The following AUTS2 variants were observed in gnomAD, a reference collection of about 807,000 sequenced individuals.
AUTS2 encodes the protein activator of transcription and developmental regulator AUTS2, also known as autism susceptibility gene 2 protein.
Under a neutral mutation model 112.4 loss-of-function variants are expected in AUTS2, and 17 were observed. The observed-to-expected ratio is 0.15, with a 90% confidence interval of 0.10 to 0.23. The LOEUF (loss-of-function observed/expected upper bound fraction) is 0.23. Ranked by LOEUF, AUTS2 falls within the 10% of genes least tolerant of loss-of-function variation. The pLI, the probability that AUTS2 is intolerant of heterozygous loss-of-function variation, is 1.00. For missense variants in AUTS2, 1,510 were observed against 1,701.6 expected (o/e 0.89, Z 1.98); for synonymous variants, 751 against 702.7 (o/e 1.07, Z -1.09).
chr7:70,450,065 C>T (rs897722468), intron 5 of AUTS2, among the ~76,000 whole-genome samples: 1 of 152,196 alleles, frequency 6.6e-6, no homozygotes, highest in Admixed American at 6.5e-5. Flanking sequence ...ACTTAAACTT[C>T]AGCAGGCAGC....
chr7:69,782,058 T>C (rs1584238720), intron 1 of AUTS2, among the ~76,000 whole-genome samples: 2 of 152,210 alleles, frequency 1.3e-5, no homozygotes, highest in East Asian at 3.9e-4. Context: ...TCAGTAGGTC[T>C]GAAATGGGAC....
intron 1 of AUTS2, among the ~76,000 whole-genome samples, chr7:69,709,119 G>A (rs1010418328): frequency 1.3e-5 from 2 of 152,204 alleles, no homozygotes; most frequent in African/African-American, 4.8e-5. Flanking sequence ...AGACTTAGCG[G>A]AACTGCACAA....
intron 5 of AUTS2, among the ~76,000 whole-genome samples, chr7:70,460,330 A>C (rs1434081793): frequency 1.4e-5 from 2 of 142,508 alleles, no homozygotes; most frequent in African/African-American, 2.6e-5. Context: ...CAGCAAGGAC[A>C]GCCTGGTCTT....
At chr7:70,122,193 G>A (rs1202202747) in intron 3 of AUTS2, among the ~76,000 whole-genome samples, 1 of 152,138 alleles carries the variant, frequency 6.6e-6, no homozygotes, top group Non-Finnish European at 1.5e-5. Context: ...GATGGAGAGT[G>A]GGAGGGAGGA....
chr7:69,846,657 T>TC (rs1418092219), intron 1 of AUTS2, among the ~76,000 whole-genome samples: 1 of 152,180 alleles, frequency 6.6e-6, no homozygotes, highest in East Asian at 1.9e-4. Flanking sequence ...CACTACAATC[T>TC]CCACCTCTTG....
chr7:69,871,662 G>C (rs1793503589), intron 1 of AUTS2, among the ~76,000 whole-genome samples: 1 of 152,136 alleles, frequency 6.6e-6, no homozygotes, highest in South Asian at 2.1e-4. Flanking sequence ...TCTGATAACT[G>C]ATCTGAGACG....
intron 4 of AUTS2, among the ~76,000 whole-genome samples, chr7:70,135,596 T>C (rs1402927821): frequency 6.6e-6 from 1 of 152,212 alleles, no homozygotes; most frequent in Non-Finnish European, 1.5e-5. Context: ...ACCAGCATCA[T>C]TTCATTAATA....
At chr7:69,766,999 C>T (rs1309351170) in intron 1 of AUTS2, among the ~76,000 whole-genome samples, 1 of 152,200 alleles carries the variant, frequency 6.6e-6, no homozygotes, top group African/African-American at 2.4e-5. Context: ...CACCCTGCTA[C>T]TATATGCTTG....
chr7:69,974,786 T>G (rs1444259788), intron 2 of AUTS2, among the ~76,000 whole-genome samples: 1 of 152,194 alleles, frequency 6.6e-6, no homozygotes, highest in African/African-American at 2.4e-5. Flanking sequence ...AAAAATAATG[T>G]TTTACCAGCT....
rs944480876 is a variant in AUTS2 at position 70,038,213 on chromosome 7, T to C, written c.523-79919T>C. On this transcript the variant is annotated intron_variant, in intron 2 of 18. Transcript: ENST00000342771. ...ACTTGCAGCATAGCCTCCCTTCAAC[T>C]TGGAAACCAAGCATTTCAAAGTACC... 2.6e-4 allele frequency among the ~76,000 whole-genome samples: 39 copies of C among 152,232 alleles called. 1 individual carries two copies. The highest frequency in any genetic ancestry group is 8.9e-4 in the African/African-American group (37 of 41,544).
At chr7:70,325,356 G>A in intron 4 of AUTS2, among the ~76,000 whole-genome samples, 1 of 152,048 alleles carries the variant, frequency 6.6e-6, no homozygotes, top group Non-Finnish European at 1.5e-5. Flanking sequence ...CTGAAAAAAA[G>A]AAATTACTTA....
At chr7:70,225,780 C>A (rs1455737255) in intron 4 of AUTS2, among the ~76,000 whole-genome samples, 1 of 152,112 alleles carries the variant, frequency 6.6e-6, no homozygotes, top group Non-Finnish European at 1.5e-5. Context: ...ATTTTTTCTG[C>A]TCTTTTTTCT....
At chr7:70,658,356 C>T (rs1407480188) in intron 5 of AUTS2, among the ~76,000 whole-genome samples, 1 of 152,218 alleles carries the variant, frequency 6.6e-6, no homozygotes, top group East Asian at 1.9e-4. Flanking sequence ...CTTGCACATG[C>T]CTCATGCACA....
In AUTS2 at chr7:69,829,670, C is replaced by A. The variant is rs547106020; in HGVS notation, c.310-69616C>A. Among the ~76,000 whole-genome samples, 15 of 152,236 alleles carry A rather than the reference C, an allele frequency of 9.9e-5. No homozygotes were observed. In the South Asian group the frequency reaches 3.1e-3, roughly 32 times the overall value. ...CACTGATCATTAGAGAAATGCAAAT[C>A]AAAACCACAATGAGATGTCATCTCA... On this transcript the variant is annotated intron_variant, in intron 1 of 18. Coordinates refer to ENST00000342771, the MANE Select transcript of AUTS2 (RefSeq NM_015570.4).
At chr7:70,768,000 GC>G (rs773258685) in intron 9 of AUTS2, 23 bp from the exon 10 acceptor site, 2 of 1,609,314 alleles carry the variant, frequency 1.2e-6, no homozygotes, top group African/African-American at 2.7e-5. Flanking sequence ...TAAGTAACTA[GC>G]TTTTGCTTTG....
intron 2 of AUTS2, among the ~76,000 whole-genome samples, chr7:70,115,543 A>G (rs1235198852): frequency 2.0e-5 from 3 of 152,366 alleles, no homozygotes. Context: ...GTCAGGTACC[A>G]CATACAAATT....
At chr7:70,677,864 A>G (rs1467968809) in intron 5 of AUTS2, among the ~76,000 whole-genome samples, 1 of 152,086 alleles carries the variant, frequency 6.6e-6, no homozygotes, top group Non-Finnish European at 1.5e-5. Flanking sequence ...CGGGTGGATC[A>G]CAAGGTCAGG....
chr7:70,610,850 A>G (rs1804056896), intron 5 of AUTS2, among the ~76,000 whole-genome samples: 1 of 152,104 alleles, frequency 6.6e-6, no homozygotes, highest in African/African-American at 2.4e-5. Context: ...TTCTTGCTGT[A>G]GAGTTGTTTG....
chr7:69,788,580 G>A (rs1205917667), intron 1 of AUTS2, among the ~76,000 whole-genome samples: 3 of 152,130 alleles, frequency 2.0e-5, no homozygotes, highest in Non-Finnish European at 4.4e-5. Context: ...CGTTCCTCTG[G>A]TATTGTTTGA....
Sources: gnomAD v4.1 joint callset for allele counts (sites outside exome capture counted in the v4.1 genomes callset) on GRCh38, gnomAD v4.1.1 for gene constraint, MANE v1.5 for transcripts, NCBI Gene and HGNC (gene_info 2026-07-23, HGNC 2026-07-21) for gene names.